Variants in TBC1D12 observed in about 807,000 individuals in gnomAD.
TBC1D12 encodes TBC1 domain family, member 12.
Under a neutral mutation model 86.7 loss-of-function variants are expected in TBC1D12, and 56 were observed. The ratio of observed to expected loss-of-function variants is 0.65; its 90% CI spans 0.52 to 0.81. TBC1D12 has a LOEUF of 0.81. Ranked by LOEUF, TBC1D12 falls within the 30% of genes least tolerant of loss-of-function variation. The pLI, the probability that TBC1D12 is intolerant of heterozygous loss-of-function variation, is 0.00. For synonymous variants in TBC1D12, 421 were observed against 411.7 expected (o/e 1.02, Z -0.27); for missense variants, 1,023 against 1,038.8 (o/e 0.98, Z 0.21).
At chr10:94,488,386 CTTTTTTTTTTT>C (rs770258959) in intron 3 of TBC1D12, among the ~76,000 whole-genome samples, 1 of 74,794 alleles carries the variant, frequency 1.3e-5, no homozygotes, top group African/African-American at 5.5e-5. Context: ...CCCAAGGGGT[CTTTTTTTTTTT>C]TTTTTTTTTT....
intron 12 of TBC1D12, among the ~76,000 whole-genome samples, chr10:94,532,273 G>A (rs1318042023): frequency 2.0e-5 from 3 of 152,072 alleles, no homozygotes; most frequent in African/African-American, 7.2e-5. Flanking sequence ...CGTCTCCCGG[G>A]TTCAAGCAAT....
At chr10:94,516,267 T>A (rs2056589909) in intron 9 of TBC1D12, among the ~76,000 whole-genome samples, 1 of 152,198 alleles carries the variant, frequency 6.6e-6, no homozygotes. Flanking sequence ...ATACATAATA[T>A]TCTAAATATT....
chr10:94,450,309 G>A (rs532025620), intron 2 of TBC1D12, among the ~76,000 whole-genome samples: 4 of 152,110 alleles, frequency 2.6e-5, no homozygotes, highest in Admixed American at 2.6e-4. Flanking sequence ...GGGTATGAGA[G>A]TACAGTTGAA....
At chr10:94,410,060 T>C (rs2054910482) in intron 1 of TBC1D12, among the ~76,000 whole-genome samples, 1 of 152,238 alleles carries the variant, frequency 6.6e-6, no homozygotes, top group Non-Finnish European at 1.5e-5. Context: ...TTTTTACTTT[T>C]AAGTTTTTAG....
chr10:94,414,357 G>T (rs920508130), intron 1 of TBC1D12, among the ~76,000 whole-genome samples: 15 of 152,228 alleles, frequency 9.9e-5, no homozygotes, highest in Admixed American at 8.5e-4. Flanking sequence ...CGTAGAGAGA[G>T]AAATTGCTGG....
Position 94,402,944 on chromosome 10 carries a change from C to T in TBC1D12, c.331C>T (p.Leu111=), listed in dbSNP as rs1165944244. ...SAAPRSDACL[L]GSGSKHRGAE... is the part of the protein sequence containing the mutation. ...AGCCCCACGATCGGACGCCTGCCTG[C>T]TGGGCTCGGGCTCCAAACACCGCGG... The change falls in exon 1 of 13, where the codon CTG becomes TTG. Residue 111 remains leucine (L), a synonymous_variant. Transcript: ENST00000225235. 9 of 1,560,122 alleles carry T rather than the reference C, an allele frequency of 5.8e-6. No individual in the cohort carries two copies. Among genetic ancestry groups the T allele is most frequent in the South Asian group, 1.2e-5 (1 of 85,272 alleles).
At chr10:94,499,843 C>G (rs1267003635) in intron 5 of TBC1D12, among the ~76,000 whole-genome samples, 2 of 152,204 alleles carry the variant, frequency 1.3e-5, no homozygotes, top group Non-Finnish European at 2.9e-5. Flanking sequence ...GCAGACTTTA[C>G]TGCTTCTCAA....
chr10:94,423,065 A>G (rs1236567357), intron 1 of TBC1D12, among the ~76,000 whole-genome samples: 2 of 152,128 alleles, frequency 1.3e-5, no homozygotes, highest in Admixed American at 6.6e-5. Flanking sequence ...ACGCCAGTGC[A>G]CTCTAGCCTG....
At chr10:94,461,913 C>T (rs1249710434) in intron 2 of TBC1D12, among the ~76,000 whole-genome samples, 1 of 152,166 alleles carries the variant, frequency 6.6e-6, no homozygotes, top group Non-Finnish European at 1.5e-5. Flanking sequence ...ACTTCTTGAA[C>T]TCCTGGCCTC....
rs369807305 is a variant in TBC1D12 at position 94,497,202 on chromosome 10, A to G, written c.1412+30A>G. 4.6e-6 allele frequency: 6 copies of G among 1,298,958 alleles called. No individual in the cohort carries two copies. The African/African-American group carries it at 4.7e-5, about 10-fold the overall frequency. 80.5% of individuals were successfully genotyped at this position (1,298,958 alleles called of 1,614,324 possible). On this transcript the variant is annotated intron_variant, in intron 5 of 12. Coordinates refer to ENST00000225235, the MANE Select transcript of TBC1D12 (RefSeq NM_015188.2). ...GTAAGCAGACTTTTCCTAAATTCCC[A>G]TTTGTCTCCGAAGATCTCATGTTTC...
At chr10:94,438,138 A>G (rs1257454062) in intron 1 of TBC1D12, among the ~76,000 whole-genome samples, 2 of 150,466 alleles carry the variant, frequency 1.3e-5, no homozygotes, top group Non-Finnish European at 3.0e-5. Flanking sequence ...TATGTTTTGT[A>G]ATTTTTTGTT....
intron 11 of TBC1D12, among the ~76,000 whole-genome samples, chr10:94,529,863 G>A (rs777760039): frequency 7.2e-5 from 11 of 152,140 alleles, no homozygotes; most frequent in Non-Finnish European, 1.5e-4. Context: ...TAAAGAGTAA[G>A]TACTGTATAC....
chr10:94,426,955 A>G (rs11187940), intron 1 of TBC1D12, among the ~76,000 whole-genome samples: 42,393 of 152,122 alleles, frequency 0.28, 7,385 homozygotes, highest in Admixed American at 0.43. Context: ...TTTAAAGTGT[A>G]CAATTTGATA....
intron 11 of TBC1D12, 100 bp from the exon 12 acceptor site, chr10:94,531,102 A>T: frequency 7.4e-7 from 1 of 1,345,838 alleles, no homozygotes; most frequent in Non-Finnish European, 1.0e-6. Context: ...TTGCCTTCTT[A>T]TCCCTAATTA....
chr10:94,443,907 C>T (rs997199522), intron 2 of TBC1D12, among the ~76,000 whole-genome samples: 9 of 152,240 alleles, frequency 5.9e-5, no homozygotes, highest in East Asian at 3.9e-4. Flanking sequence ...TAGTGGCTCA[C>T]GCCTGTAATC....
chr10:94,496,815 T>C (rs969229939), intron 4 of TBC1D12, among the ~76,000 whole-genome samples: 2 of 152,208 alleles, frequency 1.3e-5, no homozygotes, highest in Non-Finnish European at 2.9e-5. Flanking sequence ...CTGAGCAACG[T>C]GGCGAGACCC....
chr10:94,531,639 CTTATTTTATT>C (rs1202906270), intron 12 of TBC1D12, among the ~76,000 whole-genome samples, 179 bp downstream of exon 12: 4,326 of 121,086 alleles, frequency 0.036, 209 homozygotes, highest in Middle Eastern at 0.066. Context: ...AAACATAGGG[CTTATTTTATT>C]TTATTTTATT....
At chr10:94,503,556 T>C (rs2056425183) in intron 6 of TBC1D12, among the ~76,000 whole-genome samples, 1 of 152,226 alleles carries the variant, frequency 6.6e-6, no homozygotes, top group Admixed American at 6.5e-5. Context: ...ATTATGATTA[T>C]GTATGATTTT....
chr10:94,458,405 A>C (rs921372536), intron 2 of TBC1D12, among the ~76,000 whole-genome samples: 4 of 152,202 alleles, frequency 2.6e-5, no homozygotes, highest in African/African-American at 9.6e-5. Flanking sequence ...AACTGTAAGA[A>C]ATAAATTCTT....
Sources: allele counts gnomAD v4.1 joint callset (sites outside exome capture counted in the v4.1 genomes callset), GRCh38; gene constraint gnomAD v4.1.1; transcripts MANE v1.5; gene names NCBI Gene and HGNC (gene_info 2026-07-23, HGNC 2026-07-21).